CSMD3: variants seen among roughly 807,000 people sequenced by gnomAD.
CSMD3 encodes CUB and sushi domain-containing protein 3.
A neutral mutation model predicts 435.2 loss-of-function variants in CSMD3; 177 were observed. The ratio of observed to expected loss-of-function variants is 0.41; its 90% CI spans 0.36 to 0.46. The LOEUF (loss-of-function observed/expected upper bound fraction) is 0.46, where lower values mean the gene tolerates loss of function less well. Ranked by LOEUF, CSMD3 falls within the 20% of genes least tolerant of loss-of-function variation. The pLI is 0.34. For missense variants in CSMD3, 4,265 were observed against 4,504.6 expected, an observed-to-expected ratio of 0.95 and a Z score of 1.52; for synonymous variants, 1,656 against 1,520.5, an observed-to-expected ratio of 1.09 and a Z score of -2.07.
chr8:112,283,580 T>C (rs1233985122), intron 58 of CSMD3, among the ~76,000 whole-genome samples: 1 of 151,646 alleles, frequency 6.6e-6, no homozygotes, highest in East Asian at 1.9e-4. Context: ...ATTAATTTAC[T>C]CTTTTTTATT....
chr8:112,473,846 CCATCCTTCTTGCAGAGCACACTGTCTGG>C (rs1337097533), intron 31 of CSMD3, among the ~76,000 whole-genome samples: 2 of 151,268 alleles, frequency 1.3e-5, no homozygotes, highest in African/African-American at 4.9e-5. Flanking sequence ...AGATTAGGAG[CCATCCTTCTTGCAGAGCACACTGTCTGG>C]TGTGCTCTTC....
intron 70 of CSMD3, among the ~76,000 whole-genome samples, chr8:112,226,033 T>C (rs1009727778): frequency 6.6e-6 from 1 of 152,200 alleles, no homozygotes; most frequent in African/African-American, 2.4e-5. Flanking sequence ...TCAACTCTAT[T>C]GTTTATACTG....
intron 67 of CSMD3, among the ~76,000 whole-genome samples, chr8:112,235,405 A>C (rs1308856515): frequency 6.6e-6 from 1 of 151,992 alleles, no homozygotes; most frequent in East Asian, 1.9e-4. Flanking sequence ...AAAACAAAAA[A>C]CAAAAACAAA....
intron 13 of CSMD3, among the ~76,000 whole-genome samples, chr8:112,796,036 C>T (rs575904407): frequency 7.8e-4 from 118 of 152,128 alleles, no homozygotes; most frequent in African/African-American, 1.9e-3. Flanking sequence ...TGCATGTGCA[C>T]GTGCATGCCT....
At chr8:113,153,641 G>C (rs1247273572) in intron 4 of CSMD3, among the ~76,000 whole-genome samples, 1 of 152,030 alleles carries the variant, frequency 6.6e-6, no homozygotes, top group Non-Finnish European at 1.5e-5. Flanking sequence ...TCCAAAAAGT[G>C]AAAGAGTTGC....
intron 1 of CSMD3, among the ~76,000 whole-genome samples, chr8:113,389,683 C>T (rs924849565): frequency 6.6e-6 from 1 of 151,662 alleles, no homozygotes; most frequent in Admixed American, 6.6e-5. Context: ...GGCTGATTCA[C>T]CATATGCTAG....
chr8:112,395,560 C>A (rs190226386), intron 35 of CSMD3, among the ~76,000 whole-genome samples: 111 of 152,122 alleles, frequency 7.3e-4, no homozygotes, highest in African/African-American at 2.6e-3. Flanking sequence ...CTCTAAAGAA[C>A]TTGAAAAAAC....
chr8:112,562,024 T>C (rs78598219), intron 24 of CSMD3, among the ~76,000 whole-genome samples: 7,608 of 151,738 alleles, frequency 0.05, 223 homozygotes, highest in African/African-American at 0.088. Flanking sequence ...GAAAATGCTA[T>C]ACTTCTATGT....
Position 112,406,649 on chromosome 8 carries a change from G to A in CSMD3, c.5684C>T (p.Ala1895Val), listed in dbSNP as rs762168054. Residue 1895 changes from alanine to valine, a missense_variant, in exon 35 of 71, where the codon GCA becomes GTA. This residue lies in a region of CSMD3 where 3,255 missense variants were observed against 3,380.2 expected (regional missense o/e 0.96). Transcript: ENST00000297405. Reference protein sequence around the residue: ...RFGRRIGNEFAVGSSVLFDCN... With the variant: ...RFGRRIGNEFVVGSSVLFDCN... Reference sequence around the variant, plus strand: ...ATCAAAAAGAACCGATGAACCGACTGCAAATTCATTGCCAATTCTTCTTCC... The same window carrying A: ...ATCAAAAAGAACCGATGAACCGACTACAAATTCATTGCCAATTCTTCTTCC... 1 of 1,612,526 alleles carries A rather than the reference G, an allele frequency of 6.2e-7. No homozygotes were observed. The highest frequency in any genetic ancestry group is 8.5e-7 in the Non-Finnish European group (1 of 1,178,842).
At chr8:112,608,570 C>T (rs1195864215) in intron 22 of CSMD3, among the ~76,000 whole-genome samples, 1 of 151,934 alleles carries the variant, frequency 6.6e-6, no homozygotes, top group Non-Finnish European at 1.5e-5. Context: ...GATACCAGCA[C>T]ACTGGCATGA....
rs568307898 is a variant in CSMD3 at position 112,345,629 on chromosome 8, C to T, written c.6442+468G>A. On this transcript the variant is annotated intron_variant, in intron 41 of 70. Coordinates refer to ENST00000297405, the MANE Select transcript of CSMD3 (RefSeq NM_198123.2). ...GTTAAAGGGCACAAAATTTCAGTTA[C>T]ACAAAAGAAGTAAATTCATTGTACA... is the stretch of plus-strand genomic sequence containing the variant. 2.0e-5 allele frequency among the ~76,000 whole-genome samples: 3 copies of T among 152,148 alleles called. No individual in the cohort carries two copies. The East Asian group carries it at 5.8e-4, about 29-fold the overall frequency.
At chr8:113,330,888 CA>C (rs2094022631) in intron 1 of CSMD3, among the ~76,000 whole-genome samples, 2 of 151,730 alleles carry the variant, frequency 1.3e-5, no homozygotes, top group African/African-American at 4.8e-5. Context: ...AGCATATCAG[CA>C]AAGATATAAA....
intron 10 of CSMD3, among the ~76,000 whole-genome samples, chr8:112,890,377 T>G (rs947344754): frequency 1.3e-5 from 2 of 151,684 alleles, no homozygotes; most frequent in Non-Finnish European, 3.0e-5. Context: ...TTTAGAAACA[T>G]GAGGTAACAT....
intron 32 of CSMD3, among the ~76,000 whole-genome samples, chr8:112,410,702 GTATATATATATATGTATA>G (rs1811228723): frequency 2.7e-5 from 3 of 110,512 alleles, no homozygotes; most frequent in Non-Finnish European, 1.9e-5. Context: ...ATATATATGT[GTATATATATATATGTATA>G]TATATAGGAA....
chr8:113,249,874 A>G (rs111667996), intron 3 of CSMD3, among the ~76,000 whole-genome samples: 16 of 152,218 alleles, frequency 1.1e-4, no homozygotes, highest in African/African-American at 3.8e-4. Context: ...CTTGTTTATA[A>G]GAAAGATGGA....
intron 10 of CSMD3, among the ~76,000 whole-genome samples, chr8:112,867,967 T>C (rs996841493): frequency 6.6e-6 from 1 of 152,216 alleles, no homozygotes; most frequent in East Asian, 1.9e-4. Flanking sequence ...TTGACACTTA[T>C]AACAACACTT....
In CSMD3 at chr8:112,516,630, T is replaced by TCTGA. The variant is rs148397161; in HGVS notation, c.4756+400_4756+403dup. Among the ~76,000 whole-genome samples the TCTGA allele has an allele frequency of 3.7e-4, 56 of 152,288 alleles. No homozygotes were observed. In the East Asian group the frequency reaches 9.1e-3, roughly 25 times the overall value. ...AAATAGAAAGACAAAGCTTGGAAATTCTGACATAGGTTCTGACAATATTTT... is the reference window on the plus strand; with the variant it reads ...AAATAGAAAGACAAAGCTTGGAAATTCTGACTGACATAGGTTCTGACAATATTTT... On this transcript the variant is annotated intron_variant, in intron 28 of 70. Coordinates refer to ENST00000297405, the MANE Select transcript of CSMD3 (RefSeq NM_198123.2).
chr8:112,289,951 T>C (rs1248213434), intron 56 of CSMD3, among the ~76,000 whole-genome samples: 2 of 152,072 alleles, frequency 1.3e-5, no homozygotes, highest in Non-Finnish European at 2.9e-5. Flanking sequence ...TAGGACACCA[T>C]GTGGATTTAA....
chr8:112,682,393 T>C (rs1393563605), intron 16 of CSMD3, 49 bp downstream of exon 16: 1 of 1,359,670 alleles, frequency 7.4e-7, no homozygotes, highest in Non-Finnish European at 1.1e-6. Flanking sequence ...TGTGGTTTCT[T>C]GTACATAATG....
Sources: gnomAD v4.1 joint callset for allele counts (sites outside exome capture counted in the v4.1 genomes callset) on GRCh38, gnomAD v4.1.1 for gene constraint, gnomAD v4.1.1 regional missense constraint, MANE v1.5 for transcripts, NCBI Gene and HGNC (gene_info 2026-07-23, HGNC 2026-07-21) for gene names.